The following MSRB3 variants were observed in gnomAD, a reference collection of about 807,000 sequenced individuals.
MSRB3 encodes methionine-R-sulfoxide reductase B3.
A neutral mutation model predicts 21.0 loss-of-function variants in MSRB3; 13 were observed. The observed-to-expected ratio is 0.62, with a 90% CI of 0.40 to 0.98. The LOEUF is 0.98. Among genes scored for constraint, MSRB3 ranks in the 50% least tolerant of loss-of-function variants. The probability of loss-of-function intolerance (pLI) is 0.00; values close to 1 mark genes in which losing one functional copy is unlikely to be tolerated. For synonymous variants in MSRB3, 87 were observed against 88.6 expected (o/e 0.98, Z 0.10); for missense variants, 199 against 230.3 (o/e 0.86, Z 0.88).
At chr12:65,325,704 G>A (rs1324637778) in intron 2 of MSRB3, among the ~76,000 whole-genome samples, 1 of 152,098 alleles carries the variant, frequency 6.6e-6, no homozygotes, top group Admixed American at 6.5e-5. Context: ...TTTAGTATTT[G>A]GGAAACTAAG....
At chr12:65,422,387 AGT>A (rs1491407566) in intron 5 of MSRB3, among the ~76,000 whole-genome samples, 27 of 88,108 alleles carry the variant, frequency 3.1e-4, no homozygotes, top group African/African-American at 3.6e-4. Context: ...GGGAGTACAT[AGT>A]ATATATATAT....
intron 1 of MSRB3, chr12:65,279,383 G>A (rs60558604): frequency 0.082 from 12,475 of 151,986 alleles, 1,320 homozygotes; most frequent in African/African-American, 0.24. Flanking sequence ...GCGGGCAGGC[G>A]GCAGGGAGGG....
intron 1 of MSRB3, among the ~76,000 whole-genome samples, chr12:65,301,758 T>C (rs1873344940): frequency 6.6e-6 from 1 of 152,200 alleles, no homozygotes; most frequent in Non-Finnish European, 1.5e-5. Flanking sequence ...CATACAATTA[T>C]CTGAAAAGGT....
intron 1 of MSRB3, among the ~76,000 whole-genome samples, chr12:65,291,766 A>G (rs1408511745): frequency 6.6e-6 from 1 of 152,164 alleles, no homozygotes; most frequent in East Asian, 1.9e-4. Context: ...AAGAGAGAGC[A>G]TGGTTAGAGT....
chr12:65,442,885 T>TTAAC (rs1181091985), intron 5 of MSRB3, among the ~76,000 whole-genome samples: 8 of 152,106 alleles, frequency 5.3e-5, no homozygotes, highest in African/African-American at 9.7e-5. Flanking sequence ...TTTAAAAACA[T>TTAAC]TAACTGTGAT....
chr12:65,466,417 G>A lies in MSRB3; in HGVS notation c.*3095G>A, dbSNP rs1190574912. 6.6e-6 allele frequency: 1 copy of A among 152,168 alleles called. No individual in the cohort carries two copies. The highest frequency in any genetic ancestry group is 2.4e-5 in the African/African-American group (1 of 41,446). 9.4% of individuals were successfully genotyped at this position (152,168 alleles called of 1,614,324 possible). Reference sequence around the variant, plus strand: ...CAATGAACTGAGTCAATATGGCAAGGTGTATGTGATCTGTGGGAGTTATGC... The same window carrying A: ...CAATGAACTGAGTCAATATGGCAAGATGTATGTGATCTGTGGGAGTTATGC... On this transcript the variant is annotated 3_prime_UTR_variant, in exon 7 of 7. Coordinates refer to ENST00000308259, the MANE Select transcript of MSRB3 (RefSeq NM_001031679.3).
At chr12:65,346,264 A>T (rs1876497718) in intron 4 of MSRB3, among the ~76,000 whole-genome samples, 1 of 152,094 alleles carries the variant, frequency 6.6e-6, no homozygotes, top group Admixed American at 6.5e-5. Context: ...CTGACTTTTT[A>T]ATGATTGCCA....
chr12:65,360,306 G>A (rs539672338), intron 4 of MSRB3, among the ~76,000 whole-genome samples: 1 of 152,122 alleles, frequency 6.6e-6, no homozygotes, highest in South Asian at 2.1e-4. Context: ...TATTTTCTTA[G>A]CATTGTGAAT....
intron 6 of MSRB3, among the ~76,000 whole-genome samples, chr12:65,454,583 C>G (rs1883008140): frequency 6.6e-6 from 1 of 152,112 alleles, no homozygotes. Flanking sequence ...AATGGCTTTT[C>G]TTAGGTGGGT....
chr12:65,327,493 G>T (rs1875126917), intron 3 of MSRB3, among the ~76,000 whole-genome samples: 1 of 152,118 alleles, frequency 6.6e-6, no homozygotes, highest in Admixed American at 6.5e-5. Flanking sequence ...TTCGCCCTAA[G>T]TCCTGAAAAA....
chr12:65,456,001 T>C (rs1883074195), intron 6 of MSRB3, among the ~76,000 whole-genome samples: 1 of 152,124 alleles, frequency 6.6e-6, no homozygotes, highest in Non-Finnish European at 1.5e-5. Flanking sequence ...CCTCCTAAAG[T>C]GCTGGGATTA....
chr12:65,315,205 A>G (rs1463777585), intron 2 of MSRB3, among the ~76,000 whole-genome samples: 1 of 152,234 alleles, frequency 6.6e-6, no homozygotes, highest in Non-Finnish European at 1.5e-5. Flanking sequence ...ATTAAGATGC[A>G]ACGATAAATT....
chr12:65,452,365 T>C lies in MSRB3; in HGVS notation c.293-1363T>C, dbSNP rs377142604. ...TGTTTTCACTAGCAATTGGCACTTC[T>C]ATTATTAACAAAGAAGAACCCCTAA... On this transcript the variant is annotated intron_variant, in intron 5 of 6. Coordinates refer to ENST00000308259, the MANE Select transcript of MSRB3 (RefSeq NM_001031679.3). Among the ~76,000 whole-genome samples, 7 of 152,322 alleles carry C rather than the reference T, an allele frequency of 4.6e-5. No individual in the cohort carries two copies. The East Asian group carries it at 1.2e-3, about 25-fold the overall frequency.
chr12:65,335,938 G>A (rs758768865), intron 4 of MSRB3, among the ~76,000 whole-genome samples: 1 of 152,138 alleles, frequency 6.6e-6, no homozygotes, highest in African/African-American at 2.4e-5. Flanking sequence ...AAGCTTTCCA[G>A]TATAAAGAAA....
intron 1 of MSRB3, among the ~76,000 whole-genome samples, chr12:65,303,772 G>A (rs1225309128): frequency 6.6e-6 from 1 of 152,172 alleles, no homozygotes; most frequent in South Asian, 2.1e-4. Flanking sequence ...TATAGGGGAT[G>A]TGATAGCGTA....
intron 5 of MSRB3, among the ~76,000 whole-genome samples, chr12:65,427,109 T>C (rs1372714276): frequency 2.0e-5 from 3 of 152,330 alleles, no homozygotes; most frequent in Middle Eastern, 3.4e-3. Flanking sequence ...TGGTTTTTTA[T>C]GTTTCTTGTT....
At chr12:65,297,435 A>G (rs1873043143) in intron 1 of MSRB3, among the ~76,000 whole-genome samples, 1 of 152,230 alleles carries the variant, frequency 6.6e-6, no homozygotes, top group Non-Finnish European at 1.5e-5. Context: ...GATATGGGTC[A>G]TATGGTGAGG....
At chr12:65,429,065 A>G (rs1367218579) in intron 5 of MSRB3, among the ~76,000 whole-genome samples, 1 of 152,178 alleles carries the variant, frequency 6.6e-6, no homozygotes, top group African/African-American at 2.4e-5. Flanking sequence ...AAACACATCC[A>G]TTAAGTCAAT....
intron 5 of MSRB3, among the ~76,000 whole-genome samples, chr12:65,396,320 C>T (rs531614329): frequency 6.6e-6 from 1 of 152,248 alleles, no homozygotes; most frequent in Non-Finnish European, 1.5e-5. Context: ...AGCTATCTTT[C>T]CGTTATTGAT....
Sources: gnomAD v4.1 joint callset for allele counts (sites outside exome capture counted in the v4.1 genomes callset) on GRCh38, gnomAD v4.1.1 for gene constraint, MANE v1.5 for transcripts, NCBI Gene and HGNC (gene_info 2026-07-23, HGNC 2026-07-21) for gene names.